Variants in LIN7A observed in about 807,000 individuals in gnomAD.
LIN7A encodes lin-7 cell polarity scaffold A.
Under a neutral mutation model 29.8 loss-of-function variants are expected in LIN7A, and 25 were observed. The observed-to-expected ratio is 0.84, with a 90% CI of 0.61 to 1.17. LIN7A has a LOEUF of 1.17. LIN7A is among the 50% of genes most tolerant of loss of function. The pLI, the probability that LIN7A is intolerant of heterozygous loss-of-function variation, is 0.00. For synonymous variants in LIN7A, 118 were observed against 107.5 expected, an observed-to-expected ratio of 1.10 and a Z score of -0.60; for missense variants, 239 against 287.0, an observed-to-expected ratio of 0.83 and a Z score of 1.21.
At chr12:80,863,581 T>C (rs1873984200) in intron 2 of LIN7A, among the ~76,000 whole-genome samples, 1 of 152,264 alleles carries the variant, frequency 6.6e-6, no homozygotes, top group Non-Finnish European at 1.5e-5. Context: ...ATGACCATAA[T>C]GGCACTGTCA....
At chr12:80,876,106 CAGAGAGACAG>C in intron 2 of LIN7A, among the ~76,000 whole-genome samples, 1 of 142,674 alleles carries the variant, frequency 7.0e-6, no homozygotes, top group East Asian at 2.0e-4. Flanking sequence ...GAGAGACAGA[CAGAGAGACAG>C]AGAGAGAGAG....
chr12:80,927,441 G>A (rs555757378), intron 1 of LIN7A, among the ~76,000 whole-genome samples: 6 of 152,176 alleles, frequency 3.9e-5, no homozygotes, highest in East Asian at 1.9e-4. Flanking sequence ...GAGCCACCAC[G>A]CCCGGCCACA....
At chr12:80,917,683 A>C (rs1269631383) in intron 1 of LIN7A, among the ~76,000 whole-genome samples, 1 of 151,964 alleles carries the variant, frequency 6.6e-6, no homozygotes, top group Admixed American at 6.6e-5. Context: ...TATAGTTTCT[A>C]TTCTTTCACA....
At position 80,822,039 on chromosome 12, in the gene LIN7A, G is replaced by A. The variant is rs945849019; in HGVS notation, c.484-10356C>T. Among the ~76,000 whole-genome samples, 4 of 152,112 alleles carry A rather than the reference G, an allele frequency of 2.6e-5. No individual in the cohort carries two copies. The South Asian group carries it at 6.2e-4, about 24-fold the overall frequency. ...ACTAACGAGCCCAAAGTATTAGTCCGTTTTCACACTGCTAATAAAGAGACA... is the reference window on the plus strand; with the variant it reads ...ACTAACGAGCCCAAAGTATTAGTCCATTTTCACACTGCTAATAAAGAGACA... On this transcript the variant is annotated intron_variant, in intron 4 of 5. Transcript: ENST00000552864.
Position 80,879,741 on chromosome 12 carries a change from A to G in LIN7A, c.201+9510T>C, listed in dbSNP as rs117817843. The stretch of plus-strand genomic sequence containing the variant: ...TATCGGTGTTATTTTTAGTATCCAA[A>G]CAATTTTTCATCTGTTTTAATAGCA... On this transcript the variant is annotated intron_variant, in intron 2 of 5. Transcript: ENST00000552864. 3.9e-3 allele frequency among the ~76,000 whole-genome samples: 595 copies of G among 152,112 alleles called. 2 individuals are homozygous for G. The highest frequency in any genetic ancestry group is 7.3e-3 in the Admixed American group (111 of 15,272).
At chr12:80,917,991 T>C (rs1358930416) in intron 1 of LIN7A, among the ~76,000 whole-genome samples, 1 of 152,204 alleles carries the variant, frequency 6.6e-6, no homozygotes, top group Non-Finnish European at 1.5e-5. Context: ...CCATCTCCAG[T>C]ATGCCTTGGC....
intron 1 of LIN7A, among the ~76,000 whole-genome samples, chr12:80,905,122 C>A (rs1876407118): frequency 6.6e-6 from 1 of 151,618 alleles, no homozygotes; most frequent in Non-Finnish European, 1.5e-5. Flanking sequence ...GAGATCATTT[C>A]TTTCTACCAT....
chr12:80,804,357 C>T (rs1870868834), intron 5 of LIN7A, among the ~76,000 whole-genome samples: 1 of 152,002 alleles, frequency 6.6e-6, no homozygotes, highest in South Asian at 2.1e-4. Flanking sequence ...TCCCCACCTC[C>T]CTCCCCACTC....
chr12:80,832,680 T>C (rs1196947402), intron 4 of LIN7A: 2 of 437,418 alleles, frequency 4.6e-6, no homozygotes, highest in Non-Finnish European at 9.1e-6. Flanking sequence ...TCAACTCTAC[T>C]CTTTAGCTAC....
intron 1 of LIN7A, among the ~76,000 whole-genome samples, chr12:80,926,523 A>G (rs1158692739): frequency 6.6e-6 from 1 of 152,232 alleles, no homozygotes; most frequent in African/African-American, 2.4e-5. Context: ...TTTGTAGTTG[A>G]CAATCAATCT....
At chr12:80,874,426 T>C (rs1167299937) in intron 2 of LIN7A, among the ~76,000 whole-genome samples, 1 of 152,222 alleles carries the variant, frequency 6.6e-6, no homozygotes, top group Non-Finnish European at 1.5e-5. Context: ...ATAACTGTTT[T>C]GATGAAATAA....
intron 2 of LIN7A, among the ~76,000 whole-genome samples, chr12:80,861,986 C>G (rs1040844241): frequency 1.3e-5 from 2 of 152,130 alleles, no homozygotes; most frequent in African/African-American, 4.8e-5. Context: ...TTTAAAGGAG[C>G]CATCATCAAT....
chr12:80,856,618 G>A (rs1489161013), intron 2 of LIN7A, among the ~76,000 whole-genome samples: 1 of 152,110 alleles, frequency 6.6e-6, no homozygotes, highest in Admixed American at 6.6e-5. Context: ...TACTTTCATT[G>A]GTATTTTAAA....
In LIN7A at chr12:80,804,437, A is replaced by G. The variant is rs541539100; in HGVS notation, c.*1-6711T>C. Among the ~76,000 whole-genome samples the G allele has an allele frequency of 9.9e-5, 15 of 151,044 alleles. No homozygotes were observed. In the South Asian group the frequency reaches 2.9e-3, roughly 30 times the overall value. Reference sequence around the variant, plus strand: ...TATCTCCATGGGCTCAATTGCTTTGATTTTTAGTTCCCACAAATAAGTGAG... The same window carrying G: ...TATCTCCATGGGCTCAATTGCTTTGGTTTTTAGTTCCCACAAATAAGTGAG... On this transcript the variant is annotated intron_variant, in intron 5 of 5. Transcript: ENST00000552864.
At chr12:80,934,330 A>G (rs970175168) in intron 1 of LIN7A, among the ~76,000 whole-genome samples, 14 of 152,224 alleles carry the variant, frequency 9.2e-5, no homozygotes, top group African/African-American at 2.7e-4. Context: ...ACCAAAGTCA[A>G]TAAGAACTTA....
chr12:80,838,570 G>A (rs1872681063), intron 4 of LIN7A, among the ~76,000 whole-genome samples: 1 of 152,182 alleles, frequency 6.6e-6, no homozygotes, highest in African/African-American at 2.4e-5. Flanking sequence ...TGAGTGAAGT[G>A]TCACATGATG....
At chr12:80,858,209 A>G (rs1873697178) in intron 2 of LIN7A, among the ~76,000 whole-genome samples, 1 of 152,200 alleles carries the variant, frequency 6.6e-6, no homozygotes, top group Non-Finnish European at 1.5e-5. Flanking sequence ...CTTTGCTCAA[A>G]TTTATAGTTT....
At chr12:80,901,794 A>G (rs955143715) in intron 1 of LIN7A, among the ~76,000 whole-genome samples, 4 of 152,136 alleles carry the variant, frequency 2.6e-5, no homozygotes, top group African/African-American at 9.7e-5. Flanking sequence ...AAGCTCCTTA[A>G]TAATGTTTCC....
intron 4 of LIN7A, among the ~76,000 whole-genome samples, chr12:80,820,896 T>A (rs1004235956): frequency 2.0e-5 from 3 of 152,144 alleles, no homozygotes; most frequent in African/African-American, 7.2e-5. Flanking sequence ...TCTGTGACAC[T>A]ACACCCCCAA....
Sources: allele counts gnomAD v4.1 joint callset (sites outside exome capture counted in the v4.1 genomes callset), GRCh38; gene constraint gnomAD v4.1.1; transcripts MANE v1.5; gene names NCBI Gene and HGNC (gene_info 2026-07-23, HGNC 2026-07-21).